ZFYVE28: variants seen among roughly 807,000 people sequenced by gnomAD.
The protein encoded by ZFYVE28 is lateral signaling target protein 2 homolog.
A neutral mutation model predicts 82.1 loss-of-function variants in ZFYVE28; 40 were observed. The ratio of observed to expected loss-of-function variants is 0.49; its 90% CI spans 0.38 to 0.63. ZFYVE28 has a LOEUF of 0.63. Among genes scored for constraint, ZFYVE28 ranks in the 30% least tolerant of loss-of-function variants. The pLI is 0.00. For synonymous variants in ZFYVE28, 612 were observed against 546.1 expected, an observed-to-expected ratio of 1.12 and a Z score of -1.68; for missense variants, 1,321 against 1,242.1, an observed-to-expected ratio of 1.06 and a Z score of -0.96.
intron 2 of ZFYVE28, among the ~76,000 whole-genome samples, chr4:2,345,693 T>C (rs1486134057): frequency 1.3e-5 from 2 of 150,898 alleles, no homozygotes; most frequent in African/African-American, 4.9e-5. Context: ...ACCAAGTAAA[T>C]GAACCCCAAG....
Position 2,417,457 on chromosome 4 carries a change from C to T in ZFYVE28, c.39+828G>A, listed in dbSNP as rs1733199905. On this transcript the variant is annotated intron_variant, in intron 1 of 12. Transcript: ENST00000290974. This position sits in a 1 kb window ranked among gnomAD's most constrained non-coding sequence, Gnocchi z 4.8. ...CCGCTGAGGCACGGGGCGCGCCGCCCGGACCCCGACCCCGCGGCGCTAGGA... is the reference window on the plus strand; with the variant it reads ...CCGCTGAGGCACGGGGCGCGCCGCCTGGACCCCGACCCCGCGGCGCTAGGA... Among the ~76,000 whole-genome samples, 2 of 150,554 alleles carry T rather than the reference C, an allele frequency of 1.3e-5. No homozygotes were observed. The highest frequency in any genetic ancestry group is 3.9e-4 in the East Asian group (2 of 5,148).
chr4:2,334,699 C>T (rs1159527674), intron 6 of ZFYVE28, among the ~76,000 whole-genome samples: 1 of 150,078 alleles, frequency 6.7e-6, no homozygotes, highest in African/African-American at 2.4e-5. Flanking sequence ...ATCCCCTACT[C>T]TGCCCAGTCC....
intron 6 of ZFYVE28, chr4:2,330,706 G>A (rs1263420446): frequency 9.6e-6 from 14 of 1,461,326 alleles, no homozygotes; most frequent in Non-Finnish European, 1.3e-5. Context: ...GAGCAGAGGG[G>A]ACAGCGTGGA....
rs573945477 is a variant in ZFYVE28, at chr4:2,405,880, C to G, written c.39+12405G>C. On this transcript the variant is annotated intron_variant, in intron 1 of 12. Transcript: ENST00000290974. ...CTGGCCAACATGGTGAAACCCCCATCTCTACTAAAAATATAAAAATTAGCT... is the reference window on the plus strand; with the variant it reads ...CTGGCCAACATGGTGAAACCCCCATGTCTACTAAAAATATAAAAATTAGCT... Among the ~76,000 whole-genome samples, 38 of 151,274 alleles carry G rather than the reference C, an allele frequency of 2.5e-4. 2 individuals are homozygous for G. The East Asian group carries it at 6.3e-3, about 25-fold the overall frequency.
intron 8 of ZFYVE28, among the ~76,000 whole-genome samples, chr4:2,281,121 C>T (rs1445962962): frequency 6.6e-6 from 1 of 152,124 alleles, no homozygotes; most frequent in African/African-American, 2.4e-5. Flanking sequence ...GCTCTGGTGG[C>T]GTGGGAGGGG....
At chr4:2,355,384 C>T (rs1219558441) in intron 1 of ZFYVE28, among the ~76,000 whole-genome samples, 11 of 135,160 alleles carry the variant, frequency 8.1e-5, no homozygotes, top group African/African-American at 2.8e-4. Flanking sequence ...TGGGTTCAAG[C>T]GATTCTCCTG....
intron 1 of ZFYVE28, among the ~76,000 whole-genome samples, chr4:2,411,977 C>T (rs1355567500): frequency 6.6e-6 from 1 of 152,198 alleles, no homozygotes; most frequent in African/African-American, 2.4e-5. Context: ...CTGCAGTCAG[C>T]CCTGGTCCTG....
At chr4:2,346,351 A>AG (rs1723589398) in intron 2 of ZFYVE28, among the ~76,000 whole-genome samples, 1 of 149,230 alleles carries the variant, frequency 6.7e-6, no homozygotes, top group South Asian at 2.1e-4. Flanking sequence ...CAAAAAAAAA[A>AG]AAAGAAAGAA....
Position 2,305,146 on chromosome 4 carries a change from C to A in ZFYVE28, c.1194G>T (p.Glu398Asp). Residue 398 changes from glutamate to aspartate, a missense_variant, in exon 8 of 13, where the codon GAG (glutamate) becomes GAT (aspartate). This residue lies in a region of ZFYVE28 where 978 missense variants were observed against 833.7 expected (regional missense o/e 1.17). Coordinates refer to ENST00000290974, the MANE Select transcript of ZFYVE28 (RefSeq NM_020972.3). ...PRLRSGSDEE[E>D]RVFFMDDVEG... ...CCACGTCATCCATGAAGAACACGCGCTCCTCCTCGTCACTGCCTGACCGCA... is the reference window on the plus strand; with the variant it reads ...CCACGTCATCCATGAAGAACACGCGATCCTCCTCGTCACTGCCTGACCGCA... 1 of 1,589,580 alleles carries A rather than the reference C, an allele frequency of 6.3e-7. No homozygotes were observed. Among genetic ancestry groups the A allele is most frequent in the Middle Eastern group, 1.7e-4 (1 of 5,932 alleles).
intron 1 of ZFYVE28, among the ~76,000 whole-genome samples, chr4:2,363,252 T>C (rs1021684053): frequency 6.6e-6 from 1 of 152,146 alleles, no homozygotes; most frequent in Non-Finnish European, 1.5e-5. Context: ...AGGAATGTTC[T>C]CCAGGGGGCC....
At chr4:2,319,571 G>A (rs1289084727) in intron 7 of ZFYVE28, among the ~76,000 whole-genome samples, 5 of 152,318 alleles carry the variant, frequency 3.3e-5, no homozygotes, top group African/African-American at 1.2e-4. Flanking sequence ...AGCCAGGGTG[G>A]CACATGGAGG....
chr4:2,308,675 A>AAGAAAGAG lies in ZFYVE28; in HGVS notation c.804-3140_804-3139insCTCTTTCT, dbSNP rs1200372952. Among the ~76,000 whole-genome samples, 321 of 93,204 alleles carry AAGAAAGAG rather than the reference A, an allele frequency of 3.4e-3. 4 individuals are homozygous for AAGAAAGAG. Among genetic ancestry groups the AAGAAAGAG allele is most frequent in the African/African-American group, 0.013 (306 of 23,830 alleles). The allele number at this position is 93,204 out of a possible 152,430, so 61.1% of individuals were successfully genotyped here. A position where few individuals can be genotyped will look rare whatever the true frequency, so the allele number is the denominator to read the frequency against. On this transcript the variant is annotated intron_variant, in intron 7 of 12. Coordinates refer to ENST00000290974, the MANE Select transcript of ZFYVE28 (RefSeq NM_020972.3). ...AAAGAAAGAAAGAAAGAAAGAAAGA[A>AAGAAAGAG]AGAGAAAGAAAGAAAAGAAAAGAAA...
In ZFYVE28 at chr4:2,305,510, T is replaced by TCCTC; in HGVS notation, c.826_829dup (p.Glu277GlyfsTer42). On this transcript the variant is annotated frameshift_variant, in exon 8 of 13. Coordinates refer to ENST00000290974, the MANE Select transcript of ZFYVE28 (RefSeq NM_020972.3). LOFTEE classifies it high-confidence loss of function. Reference sequence around the variant, plus strand: ...GTTCCGTTCCAGCGTGTGCAGCTCCTCCTCCGTCAGCGTCTGCAGCAAATC... The same window carrying TCCTC: ...GTTCCGTTCCAGCGTGTGCAGCTCCTCCTCCCTCCGTCAGCGTCTGCAGCAAATC... 1 of 1,612,954 alleles carries TCCTC rather than the reference T, an allele frequency of 6.2e-7. No homozygotes were observed. Among genetic ancestry groups the TCCTC allele is most frequent in the Non-Finnish European group, 8.5e-7 (1 of 1,180,028 alleles).
chr4:2,282,294 G>A (rs916360537), intron 8 of ZFYVE28, among the ~76,000 whole-genome samples: 1 of 152,224 alleles, frequency 6.6e-6, no homozygotes, highest in Non-Finnish European at 1.5e-5. Flanking sequence ...TCATTCTCTG[G>A]TAAAGAAAGG....
At chr4:2,313,117 GTTTTT>G (rs984303342) in intron 7 of ZFYVE28, among the ~76,000 whole-genome samples, 11 of 139,760 alleles carry the variant, frequency 7.9e-5, no homozygotes, top group African/African-American at 2.9e-4. Context: ...GTTTTTCCAG[GTTTTT>G]TTTTTTTTTT....
rs199832545 is a variant in ZFYVE28, at chr4:2,304,612, G to A, written c.1728C>T (p.Asp576=). ...ACTTCTCCCGCAGACGCTCCACCAC[G>A]TCCTCCCTGCTGTCCCCGCAGCTCC... ...CCGSCGDSRE[D]VVERLREKCS... is the part of the protein sequence containing the mutation. Residue 576 remains aspartate, a synonymous_variant, in exon 8 of 13, where the codon GAC becomes GAT. Coordinates refer to ENST00000290974, the MANE Select transcript of ZFYVE28 (RefSeq NM_020972.3). 715 of 1,612,358 alleles carry A rather than the reference G, an allele frequency of 4.4e-4. 1 individual carries two copies. Among genetic ancestry groups the A allele is most frequent in the Middle Eastern group, 6.6e-4 (4 of 6,062 alleles).
At chr4:2,307,571 C>G (rs745858474) in intron 7 of ZFYVE28, among the ~76,000 whole-genome samples, 4 of 152,194 alleles carry the variant, frequency 2.6e-5, no homozygotes, top group Non-Finnish European at 5.9e-5. Flanking sequence ...GAGACTCAAA[C>G]TCCTCAGCTC....
rs185692694 is a variant in ZFYVE28, at chr4:2,337,774, G to A, written c.522-278C>T. Among the ~76,000 whole-genome samples the A allele has an allele frequency of 2.4e-3, 364 of 152,318 alleles. 10 individuals carry two copies. The highest frequency in any genetic ancestry group is 0.021 in the Admixed American group (318 of 15,304). On this transcript the variant is annotated intron_variant, in intron 4 of 12. Coordinates refer to ENST00000290974, the MANE Select transcript of ZFYVE28 (RefSeq NM_020972.3). ...CAGTCTCTGCTACTTGGGAGGCTGA[G>A]GTGGGAGGATCACTTGTGCCCAGGA... is the stretch of plus-strand genomic sequence containing the variant.
chr4:2,331,860 C>T (rs993498716), intron 6 of ZFYVE28, among the ~76,000 whole-genome samples: 7 of 152,220 alleles, frequency 4.6e-5, no homozygotes, highest in Non-Finnish European at 7.3e-5. Context: ...CTCAGTTTAC[C>T]ACTGCCTCTG....
Sources: allele counts gnomAD v4.1 joint callset (sites outside exome capture counted in the v4.1 genomes callset), GRCh38; gene constraint gnomAD v4.1.1; regional missense constraint gnomAD v4.1.1; non-coding constraint Gnocchi (gnomAD v3.1); transcripts MANE v1.5; gene names NCBI Gene and HGNC (gene_info 2026-07-23, HGNC 2026-07-21).